EOGT: variants seen among roughly 807,000 people sequenced by gnomAD.
The protein encoded by EOGT is EGF domain specific O-linked N-acetylglucosamine transferase, also known as EGF domain-specific O-linked N-acetylglucosamine transferase.
A neutral mutation model predicts 70.5 loss-of-function variants in EOGT; 55 were observed. The ratio of observed to expected loss-of-function variants is 0.78; its 90% CI spans 0.63 to 0.98. The LOEUF is 0.98. Among genes scored for constraint, EOGT ranks in the 50% least tolerant of loss-of-function variants. The pLI is 0.00. For synonymous variants in EOGT, 246 were observed against 217.1 expected (o/e 1.13, Z -1.17); for missense variants, 703 against 641.9 (o/e 1.10, Z -1.03).
chr3:68,991,935 C>T (rs1575738659), intron 10 of EOGT, among the ~76,000 whole-genome samples: 1 of 152,290 alleles, frequency 6.6e-6, no homozygotes, highest in Admixed American at 6.5e-5. Flanking sequence ...CCCTGATAAA[C>T]CCATCAGATC....
intron 7 of EOGT, 67 bp from the exon 8 acceptor site, chr3:69,004,549 A>C: frequency 9.8e-7 from 1 of 1,024,110 alleles, no homozygotes; most frequent in Non-Finnish European, 1.5e-6. Context: ...CGTGGGTTGT[A>C]ACTAAAGTGG....
chr3:68,978,898 G>A (rs1355456317), intron 16 of EOGT, among the ~76,000 whole-genome samples: 1 of 152,042 alleles, frequency 6.6e-6, no homozygotes, highest in African/African-American at 2.4e-5. Flanking sequence ...CTCTCTATAA[G>A]AGAAATGACA....
Position 69,009,809 on chromosome 3 carries a change from T to TCATGAAGTAAGACTC in EOGT, c.23_37dup (p.Gly8_His12dup). 1 of 1,613,826 alleles carries TCATGAAGTAAGACTC rather than the reference T, an allele frequency of 6.2e-7. No homozygotes were observed. Among genetic ancestry groups the TCATGAAGTAAGACTC allele is most frequent in the Non-Finnish European group, 8.5e-7 (1 of 1,179,996 alleles). On this transcript the variant is annotated inframe_insertion, in exon 4 of 18. Coordinates refer to ENST00000383701, the MANE Select transcript of EOGT (RefSeq NM_001278689.2). Reference sequence around the variant, plus strand: ...TTCATTCTGACCACTCAGTGAGACTTCATGAAGTAAGACTCCAAAGACAAA... The same window carrying TCATGAAGTAAGACTC: ...TTCATTCTGACCACTCAGTGAGACTTCATGAAGTAAGACTCCATGAAGTAAGACTCCAAAGACAAA...
rs2090507941 is a variant in EOGT, at chr3:68,977,625, T to A, written c.1577A>T (p.Glu526Val). 1.2e-6 allele frequency: 2 copies of A among 1,613,758 alleles called. No individual in the cohort carries two copies. The highest frequency in any genetic ancestry group is 1.7e-6 in the Non-Finnish European group (2 of 1,179,894). The change falls in exon 18 of 18, where the codon GAG becomes GTG. Residue 526 changes from glutamate (E) to valine (V), a missense_variant. Transcript: ENST00000383701. ...CAAACAGACTCAGCATATTTATAGC[T>A]CATCATGTTTCTTCTTAAATGGCCA... ...PKWPFKKKHD[E>V]L
chr3:68,982,762 T>G (rs2090685848), intron 15 of EOGT, 49 bp downstream of exon 15: 2 of 1,451,374 alleles, frequency 1.4e-6, no homozygotes, highest in Non-Finnish European at 9.5e-7. Flanking sequence ...CCCCTTGACC[T>G]CATCCAAGCA....
intron 10 of EOGT, among the ~76,000 whole-genome samples, chr3:68,991,251 A>T (rs563543894): frequency 6.6e-5 from 10 of 152,320 alleles, no homozygotes; most frequent in African/African-American, 2.4e-4. Flanking sequence ...CTCATGTTGA[A>T]GAATATTTGG....
At chr3:69,009,510 T>C (rs975253005) in intron 4 of EOGT, 127 bp downstream of exon 4, 17 of 658,404 alleles carry the variant, frequency 2.6e-5, no homozygotes, top group African/African-American at 2.4e-4. Flanking sequence ...TATGAAACAA[T>C]GATTAACTTA....
At chr3:69,000,731 C>T (rs1445775324) in intron 9 of EOGT, among the ~76,000 whole-genome samples, 1 of 152,134 alleles carries the variant, frequency 6.6e-6, no homozygotes, top group African/African-American at 2.4e-5. Context: ...CTGTGTTTCT[C>T]CTCCCCAGTG....
intron 9 of EOGT, among the ~76,000 whole-genome samples, chr3:68,998,939 CCTGT>C (rs900229738): frequency 6.6e-6 from 1 of 151,432 alleles, no homozygotes; most frequent in African/African-American, 2.4e-5. Flanking sequence ...AATTTTCATT[CCTGT>C]CTCTTTTTTC....
At chr3:69,001,225 T>C (rs1162462432) in intron 9 of EOGT, among the ~76,000 whole-genome samples, 3 of 152,176 alleles carry the variant, frequency 2.0e-5, no homozygotes, top group Non-Finnish European at 4.4e-5. Context: ...CCCACAGTGC[T>C]GGGATTACAG....
At chr3:68,981,955 G>A (rs1818288) in intron 15 of EOGT, among the ~76,000 whole-genome samples, 45,313 of 151,304 alleles carry the variant, frequency 0.3, 7,225 homozygotes, top group East Asian at 0.47. Flanking sequence ...CACACAGGCC[G>A]GAGTGCAATG....
At chr3:68,985,578 T>C (rs2090780835) in intron 14 of EOGT, among the ~76,000 whole-genome samples, 1 of 152,208 alleles carries the variant, frequency 6.6e-6, no homozygotes, top group Non-Finnish European at 1.5e-5. Context: ...CTAATGTGAA[T>C]GTACTTTTAC....
intron 8 of EOGT, 135 bp downstream of exon 8, chr3:69,004,243 G>A (rs535793086): frequency 1.3e-4 from 85 of 646,222 alleles, no homozygotes; most frequent in African/African-American, 8.6e-4. Context: ...CTCGGTTTCC[G>A]TCACTTCCCA....
intron 14 of EOGT, among the ~76,000 whole-genome samples, chr3:68,987,239 A>G (rs1179202442): frequency 1.2e-4 from 19 of 152,246 alleles, no homozygotes; most frequent in Admixed American, 1.0e-3. Context: ...GAAATTTACT[A>G]TAAGGCAAAG....
At chr3:68,977,996 GCA>G (rs2090520590) in intron 17 of EOGT, among the ~76,000 whole-genome samples, 2 of 152,192 alleles carry the variant, frequency 1.3e-5, no homozygotes, top group South Asian at 4.1e-4. Context: ...TAGAGACAGT[GCA>G]TAAACAGACA....
intron 10 of EOGT, among the ~76,000 whole-genome samples, chr3:68,994,978 C>T (rs7642879): frequency 0.36 from 53,945 of 151,934 alleles, 10,185 homozygotes; most frequent in East Asian, 0.55. Flanking sequence ...GCCCATCCCA[C>T]TGAAGATGCC....
At chr3:68,983,276 T>G (rs1306844148) in intron 14 of EOGT, among the ~76,000 whole-genome samples, 7 of 152,244 alleles carry the variant, frequency 4.6e-5, no homozygotes, top group African/African-American at 1.7e-4. Flanking sequence ...CAAAATGTTC[T>G]AGACTTTACC....
At chr3:68,979,537 T>A in intron 16 of EOGT, 131 bp downstream of exon 16, 3 of 999,764 alleles carry the variant, frequency 3.0e-6, no homozygotes, top group Non-Finnish European at 4.1e-6. Flanking sequence ...TCTTTCCAGA[T>A]TGTCTATATG....
chr3:69,008,633 A>T, intron 4 of EOGT, 105 bp from the exon 5 acceptor site: 1 of 747,758 alleles, frequency 1.3e-6, no homozygotes, highest in Non-Finnish European at 2.3e-6. Context: ...TCACATTTAC[A>T]TTTATAATAC....
Sources: allele counts gnomAD v4.1 joint callset (sites outside exome capture counted in the v4.1 genomes callset), GRCh38; gene constraint gnomAD v4.1.1; transcripts MANE v1.5; gene names NCBI Gene and HGNC (gene_info 2026-07-23, HGNC 2026-07-21).